Variants in KAT2A observed in about 807,000 individuals in gnomAD.
KAT2A encodes the protein histone acetyltransferase KAT2A.
A neutral mutation model predicts 95.2 loss-of-function variants in KAT2A; 42 were observed. The ratio of observed to expected loss-of-function variants is 0.44; its 90% CI spans 0.34 to 0.57. The LOEUF (loss-of-function observed/expected upper bound fraction) is 0.57. Ranked by LOEUF, KAT2A falls within the 20% of genes least tolerant of loss-of-function variation. KAT2A has a pLI of 0.01. For missense variants in KAT2A, 784 were observed against 1,126.3 expected (o/e 0.70, Z 4.35); for synonymous variants, 449 against 448.2 (o/e 1.00, Z -0.02).
intron 2 of KAT2A, among the ~76,000 whole-genome samples, 159 bp downstream of exon 2, chr17:42,120,547 G>T (rs552519947): frequency 1.3e-5 from 2 of 152,160 alleles, no homozygotes; most frequent in Non-Finnish European, 2.9e-5. Context: ...TGGGCTGAGA[G>T]ATTTCCTTTC....
chr17:42,115,132 T>C (rs2054237378), intron 12 of KAT2A, 97 bp from the exon 13 acceptor site: 2 of 1,257,856 alleles, frequency 1.6e-6, no homozygotes, highest in East Asian at 2.3e-5. Flanking sequence ...CACGTGCCAC[T>C]TGCCACCTCC....
intron 2 of KAT2A, 148 bp downstream of exon 2, chr17:42,120,558 T>TC (rs1385049768): frequency 2.4e-6 from 3 of 1,255,436 alleles, no homozygotes; most frequent in Non-Finnish European, 2.2e-6. Flanking sequence ...ATTTCCTTTC[T>TC]CCCCCCTTGG....
Position 42,114,093 on chromosome 17 carries a change from A to C in KAT2A, c.2236-9T>G. On this transcript the variant is annotated splice_polypyrimidine_tract_variant and intron_variant, in intron 16 of 17. Coordinates refer to ENST00000225916, the MANE Select transcript of KAT2A (RefSeq NM_021078.3). This position sits in a 1 kb window ranked among gnomAD's most constrained non-coding sequence, Gnocchi z 6.0. ...CAGGCACTGGGGTGAGACTGGAGAGAAGAGCCGGGCTGGGGACAGCCCTGC... is the reference window on the plus strand; with the variant it reads ...CAGGCACTGGGGTGAGACTGGAGAGCAGAGCCGGGCTGGGGACAGCCCTGC... The C allele has an allele frequency of 6.4e-7, 1 of 1,551,792 alleles. No individual in the cohort carries two copies. The highest frequency in any genetic ancestry group is 1.2e-5 in the South Asian group (1 of 83,762).
chr17:42,117,582 C>G lies in KAT2A; in HGVS notation c.1443G>C (p.Ser481=). ...AMLGPETSLL[S]ANAARDETAR... is the part of the protein sequence containing the mutation. ...CTGTCTCATCCCGGGCCGCATTGGC[C>G]GAAAGCAGGCTCGTCTGGGCACAGA... Residue 481 remains serine, a synonymous_variant, in exon 10 of 18, where the codon TCG becomes TCC. Transcript: ENST00000225916. This position sits in a 1 kb window ranked among gnomAD's most constrained non-coding sequence, Gnocchi z 8.9. 6.2e-7 allele frequency: 1 copy of G among 1,612,560 alleles called. No homozygotes were observed. Among genetic ancestry groups the G allele is most frequent in the Non-Finnish European group, 8.5e-7 (1 of 1,179,588 alleles).
In KAT2A at chr17:42,121,319, C is replaced by T; in HGVS notation, c.-15G>A. 1 of 1,364,674 alleles carries T rather than the reference C, an allele frequency of 7.3e-7. No individual in the cohort carries two copies. Among genetic ancestry groups the T allele is most frequent in the Non-Finnish European group, 9.4e-7 (1 of 1,066,346 alleles). The allele number at this position is 1,364,674 out of a possible 1,614,324, so 84.5% of individuals were successfully genotyped here. On this transcript the variant is annotated 5_prime_UTR_variant, in exon 1 of 18. Coordinates refer to ENST00000225916, the MANE Select transcript of KAT2A (RefSeq NM_021078.3). ...GGTTCCGCCATGGCCTCCCCCGCAG[C>T]GGAGAGCGGCGCCGCGCTCCCAGCC... is the stretch of plus-strand genomic sequence containing the variant.
rs771074015 is a variant in KAT2A at position 42,113,484 on chromosome 17, G to C, written c.*165C>G. The C allele has an allele frequency of 4.6e-5, 28 of 604,266 alleles. No homozygotes were observed. The highest frequency in any genetic ancestry group is 7.6e-5 in the Non-Finnish European group (27 of 355,346). 37.4% of individuals were successfully genotyped at this position (604,266 alleles called of 1,614,324 possible). A position where few individuals can be genotyped will look rare whatever the true frequency, so the allele number is the denominator to read the frequency against. The stretch of plus-strand genomic sequence containing the variant: ...AGGCTGGGACAGAGCTGCACGCTTG[G>C]GGGTGCCTGAAGGTCCAGAAAGAGC... On this transcript the variant is annotated 3_prime_UTR_variant, in exon 18 of 18. Coordinates refer to ENST00000225916, the MANE Select transcript of KAT2A (RefSeq NM_021078.3).
rs200835956 is a variant in KAT2A, at chr17:42,118,280, C to T, written c.1180+17G>A. On this transcript the variant is annotated intron_variant, in intron 7 of 17. Coordinates refer to ENST00000225916, the MANE Select transcript of KAT2A (RefSeq NM_021078.3). Reference sequence around the variant, plus strand: ...CAGGCAGGCCAGACACCCTACAGAGCGTACCATGGCACATACCTGGCCGGG... The same window carrying T: ...CAGGCAGGCCAGACACCCTACAGAGTGTACCATGGCACATACCTGGCCGGG... The T allele has an allele frequency of 5.2e-4, 806 of 1,558,476 alleles. 2 individuals carry two copies. The African/African-American group carries it at 9.5e-3, about 18-fold the overall frequency.
rs1598234895 is a variant in KAT2A at position 42,120,506 on chromosome 17, A to C, written c.464-136T>G. On this transcript the variant is annotated intron_variant, in intron 2 of 17. Coordinates refer to ENST00000225916, the MANE Select transcript of KAT2A (RefSeq NM_021078.3). ...ACCAACAGTGAGACTGACTGCTCCG[A>C]TATCAACCGTTGGGTTGCCTGGGCC... The C allele has an allele frequency of 2.5e-5, 31 of 1,234,682 alleles. No homozygotes were observed. In the East Asian group the frequency reaches 7.2e-4, roughly 29 times the overall value. The allele number at this position is 1,234,682 out of a possible 1,614,324, so 76.5% of individuals were successfully genotyped here. A position where few individuals can be genotyped will look rare whatever the true frequency, so the allele number is the denominator to read the frequency against.
Position 42,114,834 on chromosome 17 carries a change from T to C in KAT2A, c.2019+58A>G. On this transcript the variant is annotated intron_variant, in intron 13 of 17. Coordinates refer to ENST00000225916, the MANE Select transcript of KAT2A (RefSeq NM_021078.3). This position sits in a 1 kb window ranked among gnomAD's most constrained non-coding sequence, Gnocchi z 6.0. ...GTAGAACAGGTCTACACACGTGTGCTCGCCCTCTGCATGCCCATTCATGAA... is the reference window on the plus strand; with the variant it reads ...GTAGAACAGGTCTACACACGTGTGCCCGCCCTCTGCATGCCCATTCATGAA... 35 of 1,575,910 alleles carry C rather than the reference T, an allele frequency of 2.2e-5. No homozygotes were observed. The highest frequency in any genetic ancestry group is 3.0e-5 in the Non-Finnish European group (34 of 1,147,820).
intron 2 of KAT2A, 83 bp from the exon 3 acceptor site, chr17:42,120,453 TAC>T (rs1314552218): frequency 2.1e-6 from 3 of 1,446,916 alleles, no homozygotes; most frequent in Non-Finnish European, 2.9e-6. Context: ...CCAAGCAAGA[TAC>T]ACACTCTGTT....
In KAT2A at chr17:42,117,161, C is replaced by T; in HGVS notation, c.1638G>A (p.Pro546=). Reference sequence around the variant, plus strand: ...TGATCAAGGCCAGAGTCTTGTGCTTCCTAAGAGAGAGGGGGGCATGTCATA... The same window carrying T: ...TGATCAAGGCCAGAGTCTTGTGCTTTCTAAGAGAGAGGGGGGCATGTCATA... ...KEYIARLVFD[P]KHKTLALIKD... The change falls in exon 11 of 18, where the codon CCG becomes CCA. Residue 546 remains proline (P), a splice_region_variant and synonymous_variant. Coordinates refer to ENST00000225916, the MANE Select transcript of KAT2A (RefSeq NM_021078.3). The surrounding 1 kb of genome is among the most constrained non-coding windows in gnomAD (Gnocchi z 8.9). 4 of 1,613,950 alleles carry T rather than the reference C, an allele frequency of 2.5e-6. No individual in the cohort carries two copies. The highest frequency in any genetic ancestry group is 3.4e-6 in the Non-Finnish European group (4 of 1,180,020).
chr17:42,121,064 G>T lies in KAT2A; in HGVS notation c.241C>A (p.Leu81Met). The T allele has an allele frequency of 6.3e-7, 1 of 1,577,398 alleles. No homozygotes were observed. The change falls in exon 1 of 18, where the codon CTG becomes ATG. Residue 81 changes from leucine to methionine, a missense_variant. Leu to Met is a conservative substitution (Grantham distance 15). This residue lies in a region of KAT2A where 142 missense variants were observed against 123.2 expected (regional missense o/e 1.15). Coordinates refer to ENST00000225916, the MANE Select transcript of KAT2A (RefSeq NM_021078.3). ...TGACTGGCGCGCTGCTGCTGGCTCA[G>T]GCCAGGTCGAGCCGGATCCCCCCCG... is the stretch of plus-strand genomic sequence containing the variant. Reference protein sequence around the residue: ...GSGGDPARPGLSQQQRASQRK... With the variant: ...GSGGDPARPGMSQQQRASQRK...
Position 42,114,752 on chromosome 17 carries a change from C to G in KAT2A, c.2019+140G>C, listed in dbSNP as rs1555665623. ...TCATAACTTCCCCAAGGGAGCAGAG[C>G]AAGAGCCAAGATCCTGGCCTGCCCC... is the stretch of plus-strand genomic sequence containing the variant. On this transcript the variant is annotated intron_variant, in intron 13 of 17. Transcript: ENST00000225916. This position sits in a 1 kb window ranked among gnomAD's most constrained non-coding sequence, Gnocchi z 6.0. 6.7e-6 allele frequency: 8 copies of G among 1,192,814 alleles called. No individual in the cohort carries two copies. 73.9% of individuals were successfully genotyped at this position (1,192,814 alleles called of 1,614,324 possible). A position where few individuals can be genotyped will look rare whatever the true frequency, so the allele number is the denominator to read the frequency against.
rs2054252902 is a variant in KAT2A at position 42,115,957 on chromosome 17, A to C, written c.1765-124T>G. The C allele has an allele frequency of 1.0e-5, 7 of 694,440 alleles. No individual in the cohort carries two copies. The Admixed American group carries it at 1.3e-4, about 13-fold the overall frequency. The allele number at this position is 694,440 out of a possible 1,614,324, so 43.0% of individuals were successfully genotyped here. On this transcript the variant is annotated intron_variant, in intron 11 of 17. Transcript: ENST00000225916. ...GTAGAGAGAGCGAGAGCATCCAGGC[A>C]AAGAGGAAGAAAGGCAGCTGACAGA...
chr17:42,118,136 G>A (rs2054288643), intron 7 of KAT2A, 119 bp from the exon 8 acceptor site: 1 of 791,082 alleles, frequency 1.3e-6, no homozygotes, highest in African/African-American at 1.7e-5. Context: ...TGCTGAAGCT[G>A]AGGAGAGAGA....
At chr17:42,113,930 G>A (rs1390567633) in intron 17 of KAT2A, 70 bp downstream of exon 17, 79 of 1,477,006 alleles carry the variant, frequency 5.3e-5, no homozygotes, top group Non-Finnish European at 6.8e-5. Flanking sequence ...GGGGCTGCAG[G>A]GCGCAGTGAG....
chr17:42,119,354 G>A lies in KAT2A; in HGVS notation c.964C>T (p.Leu322Phe). 6.2e-7 allele frequency: 1 copy of A among 1,614,140 alleles called. No homozygotes were observed. Among genetic ancestry groups the A allele is most frequent in the Non-Finnish European group, 8.5e-7 (1 of 1,179,994 alleles). The change falls in exon 6 of 18, where the codon CTC (leucine) becomes TTC (phenylalanine). Residue 322 changes from leucine to phenylalanine, a missense_variant. Coordinates refer to ENST00000225916, the MANE Select transcript of KAT2A (RefSeq NM_021078.3). This position sits in a 1 kb window ranked among gnomAD's most constrained non-coding sequence, Gnocchi z 5.3. Reference protein sequence around the residue: ...ETTHVFGRSLLRSIFTVTRRQ... With the variant: ...ETTHVFGRSLFRSIFTVTRRQ... ...CGGGTAACGGTGAAAATGGACCGGA[G>A]AAGGCTTCGCCCAAAGACATGAGTG...
chr17:42,118,796 G>A (rs1555666663), intron 6 of KAT2A, among the ~76,000 whole-genome samples: 1 of 152,210 alleles, frequency 6.6e-6, no homozygotes. Context: ...TAGAGAGCCA[G>A]GATTAGTCAG....
rs139122510 is a variant in KAT2A at position 42,117,090 on chromosome 17, G to C, written c.1709C>G (p.Thr570Ser). Residue 570 changes from threonine to serine, a missense_variant, in exon 11 of 18, where the codon ACC (threonine) becomes AGC (serine). Thr to Ser is a moderately conservative substitution (Grantham distance 58). This residue lies in a region of KAT2A where 174 missense variants were observed against 324.9 expected (regional missense o/e 0.54). Transcript: ENST00000225916. The surrounding 1 kb of genome is among the most constrained non-coding windows in gnomAD (Gnocchi z 8.9). ...IGGICFRMFP[T>S]QGFTEIVFCA... ...GAAGACAATCTCCGTGAAGCCCTGG[G>C]TGGGAAACATGCGGAAGCAGATGCC... 419 of 1,614,080 alleles carry C rather than the reference G, an allele frequency of 2.6e-4. No homozygotes were observed. Among genetic ancestry groups the C allele is most frequent in the Non-Finnish European group, 3.3e-4 (395 of 1,180,058 alleles).
Sources: allele counts gnomAD v4.1 joint callset (sites outside exome capture counted in the v4.1 genomes callset), GRCh38; gene constraint gnomAD v4.1.1; regional missense constraint gnomAD v4.1.1; non-coding constraint Gnocchi (gnomAD v3.1); transcripts MANE v1.5; gene names NCBI Gene and HGNC (gene_info 2026-07-23, HGNC 2026-07-21).